KMT2C: variants seen among roughly 807,000 people sequenced by gnomAD.
KMT2C encodes the protein histone-lysine N-methyltransferase 2C.
A neutral mutation model predicts 507.9 loss-of-function variants in KMT2C; 88 were observed. The observed-to-expected ratio is 0.17, with a 90% confidence interval of 0.15 to 0.21. KMT2C has a LOEUF of 0.21. Among genes scored for constraint, KMT2C ranks in the 10% least tolerant of loss-of-function variants. KMT2C has a pLI of 1.00. For synonymous variants in KMT2C, 2,049 were observed against 2,080.8 expected (o/e 0.98, Z 0.42); for missense variants, 4,954 against 5,957.8 (o/e 0.83, Z 5.55).
intron 7 of KMT2C, among the ~76,000 whole-genome samples, chr7:152,265,642 TAA>T (rs2095848183): frequency 1.3e-5 from 2 of 152,046 alleles, no homozygotes; most frequent in African/African-American, 2.4e-5. Flanking sequence ...CAAAATCAGA[TAA>T]GAGACAAAAT....
chr7:152,328,691 G>T (rs181613445), intron 3 of KMT2C, among the ~76,000 whole-genome samples: 1 of 152,196 alleles, frequency 6.6e-6, no homozygotes, highest in Non-Finnish European at 1.5e-5. Context: ...CAGAAAGACT[G>T]GTTAAAAGGC....
At chr7:152,145,331 T>A (rs376527780) in intron 53 of KMT2C, 36 bp from the exon 54 acceptor site, 5 of 1,606,456 alleles carry the variant, frequency 3.1e-6, no homozygotes, top group African/African-American at 1.3e-5. Flanking sequence ...AGTCACCCCA[T>A]CTGATGGAGA....
rs576182537 is a variant in KMT2C, at chr7:152,327,929, G to A, written c.389+2672C>T. Among the ~76,000 whole-genome samples, 4 of 141,646 alleles carry A rather than the reference G, an allele frequency of 2.8e-5. No individual in the cohort carries two copies. The East Asian group carries it at 8.3e-4, about 29-fold the overall frequency. 92.9% of individuals were successfully genotyped at this position (141,646 alleles called of 152,430 possible). A position where few individuals can be genotyped will look rare whatever the true frequency, so the allele number is the denominator to read the frequency against. On this transcript the variant is annotated intron_variant, in intron 3 of 58. Coordinates refer to ENST00000262189, the MANE Select transcript of KMT2C (RefSeq NM_170606.3). ...GCCAAGATCGCGCCACTGCATTCCA[G>A]CCTGGGCAACAGAGCGAGACTCCGC...
chr7:152,413,006 A>T (rs1255453351), intron 1 of KMT2C, among the ~76,000 whole-genome samples: 6 of 152,160 alleles, frequency 3.9e-5, no homozygotes, highest in African/African-American at 1.4e-4. Flanking sequence ...TCTACAAGGC[A>T]GTTGACTGTA....
At chr7:152,373,607 C>T (rs1249760422) in intron 1 of KMT2C, among the ~76,000 whole-genome samples, 5 of 152,108 alleles carry the variant, frequency 3.3e-5, no homozygotes, top group Admixed American at 3.3e-4. Context: ...GCTAAAGTGT[C>T]ATAATTAGCA....
chr7:152,270,846 T>G (rs2095951960), intron 7 of KMT2C, among the ~76,000 whole-genome samples: 1 of 152,206 alleles, frequency 6.6e-6, no homozygotes, highest in Non-Finnish European at 1.5e-5. Flanking sequence ...AAGTGTTTCC[T>G]GAAGAAAATC....
At chr7:152,192,526 G>A (rs995133110) in intron 31 of KMT2C, among the ~76,000 whole-genome samples, 2 of 151,572 alleles carry the variant, frequency 1.3e-5, no homozygotes, top group African/African-American at 4.9e-5. Flanking sequence ...GGGCGAAGGT[G>A]TGAGACTCTG....
intron 1 of KMT2C, among the ~76,000 whole-genome samples, chr7:152,426,528 T>C (rs2097821129): frequency 6.6e-6 from 1 of 152,108 alleles, no homozygotes. Flanking sequence ...TGAGCCAACA[T>C]ACCCAGCCTT....
chr7:152,275,306 AG>A (rs1249077851), intron 6 of KMT2C, among the ~76,000 whole-genome samples: 2 of 152,198 alleles, frequency 1.3e-5, no homozygotes, highest in African/African-American at 4.8e-5. Context: ...GCACTTTGGA[AG>A]GCCAAGGCGG....
intron 2 of KMT2C, among the ~76,000 whole-genome samples, chr7:152,348,599 T>TAAAAAAAAAAA (rs201530125): frequency 1.0e-4 from 5 of 48,992 alleles, no homozygotes; most frequent in Admixed American, 5.1e-4. Context: ...AACTCTGTCT[T>TAAAAAAAAAAA]AAAAAAAAAA....
chr7:152,148,314 A>G lies in KMT2C; in HGVS notation c.13613T>C (p.Ile4538Thr), dbSNP rs2129095079. ...ATGGTCCCGTTCTCCTCGTTGCACGATGCTAGCAATCTGTCGCACCTCATC... is the reference window on the plus strand; with the variant it reads ...ATGGTCCCGTTCTCCTCGTTGCACGGTGCTAGCAATCTGTCGCACCTCATC... ...QRDEVRQIASIVQRGERDHTF... is the reference protein window; with the variant it reads ...QRDEVRQIASTVQRGERDHTF... Residue 4538 changes from isoleucine (I) to threonine (T), a missense_variant, in exon 52 of 59, where the codon ATC becomes ACC. Coordinates refer to ENST00000262189, the MANE Select transcript of KMT2C (RefSeq NM_170606.3). This position sits in a 1 kb window ranked among gnomAD's most constrained non-coding sequence, Gnocchi z 7.1. 2 of 1,614,238 alleles carry G rather than the reference A, an allele frequency of 1.2e-6. No homozygotes were observed. The highest frequency in any genetic ancestry group is 1.7e-6 in the Non-Finnish European group (2 of 1,180,044).
intron 6 of KMT2C, among the ~76,000 whole-genome samples, chr7:152,299,525 A>C (rs1341886177): frequency 1.3e-5 from 2 of 151,768 alleles, no homozygotes; most frequent in Non-Finnish European, 2.9e-5. Flanking sequence ...GTGGTGGTGC[A>C]CAACTGTGGT....
rs552313856 is a variant in KMT2C at position 152,347,681 on chromosome 7, T to C, written c.250+10906A>G. 1.6e-4 allele frequency among the ~76,000 whole-genome samples: 25 copies of C among 152,332 alleles called. No individual in the cohort carries two copies. In the East Asian group the frequency reaches 4.8e-3, roughly 29 times the overall value. ...AATGGTACCACATACAGTCTTTAAG[T>C]GTGTGCTTAAGTTTTGATAAATTTT... On this transcript the variant is annotated intron_variant, in intron 2 of 58. Transcript: ENST00000262189.
chr7:152,251,675 C>T (rs1295934991), intron 11 of KMT2C, among the ~76,000 whole-genome samples: 1 of 152,026 alleles, frequency 6.6e-6, no homozygotes, highest in East Asian at 1.9e-4. Flanking sequence ...CTTCCACTGT[C>T]GGCCTGAAGA....
intron 42 of KMT2C, among the ~76,000 whole-genome samples, chr7:152,166,804 A>G (rs1055383222): frequency 2.0e-5 from 3 of 152,234 alleles, no homozygotes; most frequent in Non-Finnish European, 4.4e-5. Flanking sequence ...GATGTATAAC[A>G]GAAACATGGT....
rs767776322 is a variant in KMT2C at position 152,159,047 on chromosome 7, C to T, written c.11486G>A (p.Gly3829Asp). 16 of 1,614,044 alleles carry T rather than the reference C, an allele frequency of 9.9e-6. No individual in the cohort carries two copies. The highest frequency in any genetic ancestry group is 1.3e-5 in the Non-Finnish European group (15 of 1,180,036). Residue 3829 changes from glycine to aspartate, a missense_variant, in exon 44 of 59, where the codon GGT (glycine) becomes GAT (aspartate). Gly to Asp is a moderately conservative substitution (Grantham distance 94, BLOSUM62 -1). Coordinates refer to ENST00000262189, the MANE Select transcript of KMT2C (RefSeq NM_170606.3). Reference sequence around the variant, plus strand: ...CAACTGGTTGCCACATCCAAAACCACCTTGCATTTGAGCCCCCAAAGTTTG... The same window carrying T: ...CAACTGGTTGCCACATCCAAAACCATCTTGCATTTGAGCCCCCAAAGTTTG... ...GLQTLGAQMQ[G>D]GFGCGNQLPK...
At chr7:152,383,439 C>G (rs1480375205) in intron 1 of KMT2C, among the ~76,000 whole-genome samples, 1 of 152,174 alleles carries the variant, frequency 6.6e-6, no homozygotes, top group Non-Finnish European at 1.5e-5. Flanking sequence ...TGGTGACTCT[C>G]ACTTTGACAT....
intron 6 of KMT2C, among the ~76,000 whole-genome samples, chr7:152,276,168 C>A (rs2096075826): frequency 6.6e-6 from 1 of 151,922 alleles, no homozygotes; most frequent in Non-Finnish European, 1.5e-5. Context: ...CGCTTCAAAC[C>A]CATCTGTTAC....
rs751756491 is a variant in KMT2C, at chr7:152,180,707, T to C, written c.7149+4A>G. 1.9e-6 allele frequency: 3 copies of C among 1,598,812 alleles called. No homozygotes were observed. In the African/African-American group the frequency reaches 4.0e-5, roughly 21 times the overall value. On this transcript the variant is annotated splice_donor_region_variant and intron_variant, in intron 36 of 58. Coordinates refer to ENST00000262189, the MANE Select transcript of KMT2C (RefSeq NM_170606.3). ...TTAAAACTGAGAACATACAATGTGTTTACCTGTCTCAATTTCTCTGTATCT... is the reference window on the plus strand; with the variant it reads ...TTAAAACTGAGAACATACAATGTGTCTACCTGTCTCAATTTCTCTGTATCT...
Sources: allele counts gnomAD v4.1 joint callset (sites outside exome capture counted in the v4.1 genomes callset), GRCh38; gene constraint gnomAD v4.1.1; non-coding constraint Gnocchi (gnomAD v3.1); transcripts MANE v1.5; gene names NCBI Gene and HGNC (gene_info 2026-07-23, HGNC 2026-07-21).